FA2H: variants seen among roughly 807,000 people sequenced by gnomAD.
FA2H encodes the protein fatty acid alpha-hydroxylase.
Under a neutral mutation model 44.9 loss-of-function variants are expected in FA2H, and 22 were observed. That is an observed-to-expected ratio of 0.49 (90% confidence interval 0.35 to 0.70). The LOEUF (loss-of-function observed/expected upper bound fraction) is 0.70. FA2H is among the 30% of genes least tolerant of loss of function. The probability of loss-of-function intolerance (pLI) is 0.01; values close to 1 mark genes in which losing one functional copy is unlikely to be tolerated. For missense variants in FA2H, 501 were observed against 504.9 expected, an observed-to-expected ratio of 0.99 and a Z score of 0.07; for synonymous variants, 243 against 213.2, an observed-to-expected ratio of 1.14 and a Z score of -1.22.
chr16:74,730,850 C>T (rs1962057856), intron 2 of FA2H, among the ~76,000 whole-genome samples: 1 of 152,162 alleles, frequency 6.6e-6, no homozygotes, highest in South Asian at 2.1e-4. Context: ...TAACTATTGT[C>T]ATTTTGCAGT....
intron 1 of FA2H, among the ~76,000 whole-genome samples, chr16:74,742,397 T>C (rs1962331144): frequency 6.6e-6 from 1 of 152,160 alleles, no homozygotes; most frequent in African/African-American, 2.4e-5. Flanking sequence ...GATAGGACAG[T>C]GCCCAGATAA....
chr16:74,755,381 T>C (rs1278312381), intron 1 of FA2H, among the ~76,000 whole-genome samples: 1 of 152,134 alleles, frequency 6.6e-6, no homozygotes, highest in Non-Finnish European at 1.5e-5. Flanking sequence ...GGTTTCGCCA[T>C]GTTGGTCAGA....
intron 6 of FA2H, 54 bp from the exon 7 acceptor site, chr16:74,714,323 G>T: frequency 8.5e-7 from 1 of 1,180,578 alleles, no homozygotes; most frequent in Non-Finnish European, 1.2e-6. Context: ...GCAGGCGTGC[G>T]CTGGCTTGGG....
chr16:74,750,808 G>C (rs941300247), intron 1 of FA2H, among the ~76,000 whole-genome samples: 1 of 78,334 alleles, frequency 1.3e-5, no homozygotes, highest in Non-Finnish European at 2.8e-5. Flanking sequence ...ACAGGGTCTC[G>C]CTCTGTCAGC....
At chr16:74,735,778 G>T (rs1486500437) in intron 2 of FA2H, among the ~76,000 whole-genome samples, 1 of 152,114 alleles carries the variant, frequency 6.6e-6, no homozygotes, top group East Asian at 1.9e-4. Flanking sequence ...CTGGGAGTTT[G>T]AGACCAGCCT....
At chr16:74,735,479 G>A (rs1026206555) in intron 2 of FA2H, among the ~76,000 whole-genome samples, 5 of 152,228 alleles carry the variant, frequency 3.3e-5, no homozygotes, top group African/African-American at 4.8e-5. Context: ...TTCAGGCAGC[G>A]GAGAGTGGAT....
intron 1 of FA2H, among the ~76,000 whole-genome samples, chr16:74,758,151 C>T (rs1273028491): frequency 1.5e-5 from 2 of 134,540 alleles, no homozygotes; most frequent in South Asian, 2.3e-4. Context: ...GACGGAGTCT[C>T]GGACTGTCGC....
At chr16:74,741,808 A>ATGTGTGTGTGTGTGTGTG (rs1208446986) in intron 1 of FA2H, among the ~76,000 whole-genome samples, 1 of 48,420 alleles carries the variant, frequency 2.1e-5, no homozygotes, top group African/African-American at 1.1e-4. Flanking sequence ...ATATATATAT[A>ATGTGTGTGTGTGTGTGTG]TGTGTGTGTG....
At chr16:74,734,568 A>G (rs1447625058) in intron 2 of FA2H, among the ~76,000 whole-genome samples, 1 of 152,194 alleles carries the variant, frequency 6.6e-6, no homozygotes, top group African/African-American at 2.4e-5. Flanking sequence ...CTCCCAGGCT[A>G]TGCCAGGAAT....
intron 2 of FA2H, among the ~76,000 whole-genome samples, chr16:74,736,635 A>G (rs1247379726): frequency 6.6e-6 from 1 of 152,194 alleles, no homozygotes; most frequent in Admixed American, 6.5e-5. Context: ...CCTTGAGGGA[A>G]GAGGCTGATC....
At chr16:74,751,783 G>A (rs554344256) in intron 1 of FA2H, among the ~76,000 whole-genome samples, 8 of 152,188 alleles carry the variant, frequency 5.3e-5, no homozygotes, top group South Asian at 2.1e-4. Context: ...AGTGCCACCC[G>A]GCAGGATTTT....
intron 6 of FA2H, among the ~76,000 whole-genome samples, chr16:74,715,867 G>A (rs1961682838): frequency 6.6e-6 from 1 of 150,376 alleles, no homozygotes; most frequent in Non-Finnish European, 1.5e-5. Context: ...CCAGGCTGGA[G>A]TGCAGTGGTG....
intron 2 of FA2H, among the ~76,000 whole-genome samples, chr16:74,734,415 A>G (rs1962140291): frequency 6.6e-6 from 1 of 152,202 alleles, no homozygotes; most frequent in Non-Finnish European, 1.5e-5. Flanking sequence ...TTGGTGATTC[A>G]AAGACCCGAC....
intron 2 of FA2H, among the ~76,000 whole-genome samples, chr16:74,729,033 A>T (rs1962021209): frequency 1.1e-5 from 1 of 94,078 alleles, no homozygotes; most frequent in Admixed American, 1.4e-4. Context: ...TTTTTTTGAG[A>T]CAGAGTCTTG....
chr16:74,763,867 C>A, intron 1 of FA2H, among the ~76,000 whole-genome samples: 1 of 152,228 alleles, frequency 6.6e-6, no homozygotes, highest in East Asian at 1.9e-4. Flanking sequence ...AAAATACTTT[C>A]TATGCATCAG....
At chr16:74,733,699 C>T (rs1161521438) in intron 2 of FA2H, among the ~76,000 whole-genome samples, 2 of 152,206 alleles carry the variant, frequency 1.3e-5, no homozygotes, top group Non-Finnish European at 2.9e-5. Flanking sequence ...ACGATGACGG[C>T]TTGGGATCCA....
At chr16:74,736,413 C>T (rs973894592) in intron 2 of FA2H, among the ~76,000 whole-genome samples, 4 of 152,164 alleles carry the variant, frequency 2.6e-5, no homozygotes, top group African/African-American at 9.7e-5. Context: ...CTGGTCCCCC[C>T]GAGAGTGTGT....
chr16:74,774,201 A>G (rs1962964310), intron 1 of FA2H, among the ~76,000 whole-genome samples: 1 of 152,040 alleles, frequency 6.6e-6, no homozygotes, highest in Non-Finnish European at 1.5e-5. Context: ...GGGGCTGCAG[A>G]AGGAACACGC....
chr16:74,714,319 G>T, intron 6 of FA2H, 50 bp from the exon 7 acceptor site: 1 of 1,230,600 alleles, frequency 8.1e-7, no homozygotes, highest in South Asian at 1.3e-5. Context: ...AGGAGCAGGC[G>T]TGCGCTGGCT....
Sources: gnomAD v4.1 joint callset for allele counts (sites outside exome capture counted in the v4.1 genomes callset) on GRCh38, gnomAD v4.1.1 for gene constraint, MANE v1.5 for transcripts, NCBI Gene and HGNC (gene_info 2026-07-23, HGNC 2026-07-21) for gene names.